The following SLC28A3 variants were observed in gnomAD, a reference collection of about 807,000 sequenced individuals.
SLC28A3 encodes solute carrier family 28 member 3.
SLC28A3 carries 68 observed loss-of-function variants against 84.2 expected under a neutral mutation model. That is an observed-to-expected ratio of 0.81 (90% confidence interval 0.66 to 0.99). The LOEUF (loss-of-function observed/expected upper bound fraction) is 0.99. Ranked by LOEUF, SLC28A3 falls within the 50% of genes least tolerant of loss-of-function variation. The pLI, the probability that SLC28A3 is intolerant of heterozygous loss-of-function variation, is 0.00. For missense variants in SLC28A3, 712 were observed against 841.5 expected (o/e 0.85, Z 1.90); for synonymous variants, 267 against 303.6 (o/e 0.88, Z 1.25).
the SLC28A3 span, among the ~76,000 whole-genome samples, chr9:84,361,826 T>A: frequency 2.0e-5 from 3 of 151,874 alleles, no homozygotes; most frequent in African/African-American, 7.3e-5. Context: ...GGCGGAAGGT[T>A]CGTTTGAGCC....
At chr9:84,327,586 T>C (rs1010658374) in intron 1 of SLC28A3, among the ~76,000 whole-genome samples, 5 of 152,272 alleles carry the variant, frequency 3.3e-5, no homozygotes, top group Non-Finnish European at 7.4e-5. Flanking sequence ...AGTCCAACTC[T>C]CAGATAACTG....
chr9:84,313,168 TA>T (rs1318798084), intron 2 of SLC28A3, among the ~76,000 whole-genome samples, 190 bp downstream of exon 2: 1 of 152,228 alleles, frequency 6.6e-6, no homozygotes, highest in Non-Finnish European at 1.5e-5. Flanking sequence ...GACAGGTGGA[TA>T]AAAACAAAAT....
chr9:84,282,444 T>G (rs1408823912), intron 14 of SLC28A3, among the ~76,000 whole-genome samples: 1 of 152,212 alleles, frequency 6.6e-6, no homozygotes, highest in African/African-American at 2.4e-5. Flanking sequence ...AAAAATGAAA[T>G]TCTCAGCTAT....
rs142934422 is a variant in SLC28A3, at chr9:84,329,207, G to C, written c.60+11367C>G. Among the ~76,000 whole-genome samples, 93 of 152,246 alleles carry C rather than the reference G, an allele frequency of 6.1e-4. 1 individual carries two copies. Among genetic ancestry groups the C allele is most frequent in the African/African-American group, 2.0e-3 (84 of 41,568 alleles). ...TAACATATATGTATATAATAAAAGA[G>C]CTCTAAAACACATGAAGCAAAAACT... is the stretch of plus-strand genomic sequence containing the variant. On this transcript the variant is annotated intron_variant, in intron 1 of 17. Coordinates refer to ENST00000376238, the MANE Select transcript of SLC28A3 (RefSeq NM_001199633.2).
chr9:84,351,512 A>T, the SLC28A3 span, among the ~76,000 whole-genome samples: 3 of 152,064 alleles, frequency 2.0e-5, no homozygotes, highest in Non-Finnish European at 4.4e-5. Context: ...GGAAAAAATT[A>T]GTTGGGCATG....
chr9:84,363,369 A>G, the SLC28A3 span, among the ~76,000 whole-genome samples: 1 of 152,230 alleles, frequency 6.6e-6, no homozygotes, highest in Non-Finnish European at 1.5e-5. Flanking sequence ...AAGGATCTGT[A>G]TTCTTCATAA....
intron 1 of SLC28A3, among the ~76,000 whole-genome samples, chr9:84,328,295 AT>A (rs1424700827): frequency 1.3e-5 from 2 of 151,632 alleles, no homozygotes; most frequent in Non-Finnish European, 2.9e-5. Flanking sequence ...TGAAGAACGG[AT>A]TTTAAAAACC....
chr9:84,330,089 C>A (rs899299186), intron 1 of SLC28A3, among the ~76,000 whole-genome samples: 1 of 150,398 alleles, frequency 6.6e-6, no homozygotes, highest in Non-Finnish European at 1.5e-5. Flanking sequence ...ATCGTGGAGA[C>A]AAATGAAATA....
At chr9:84,323,817 C>T (rs1377280876) in intron 1 of SLC28A3, among the ~76,000 whole-genome samples, 1 of 152,052 alleles carries the variant, frequency 6.6e-6, no homozygotes, top group Admixed American at 6.6e-5. Flanking sequence ...ATCCCCCTCC[C>T]CTCCAAATCT....
intron 1 of SLC28A3, among the ~76,000 whole-genome samples, chr9:84,339,195 A>AT (rs779709982): frequency 1.7e-4 from 26 of 151,908 alleles, no homozygotes; most frequent in South Asian, 8.3e-4. Flanking sequence ...TCCTGAGTCT[A>AT]TTAGGTTTTT....
At chr9:84,358,230 T>C in the SLC28A3 span, among the ~76,000 whole-genome samples, 1 of 152,152 alleles carries the variant, frequency 6.6e-6, no homozygotes, top group African/African-American at 2.4e-5. Context: ...GGGGCTTCCA[T>C]ACAGGGGAGA....
rs1276936208 is a variant in SLC28A3 at position 84,313,548 on chromosome 9, GACAA to G, written c.61-98_61-95del. 12 of 947,890 alleles carry G rather than the reference GACAA, an allele frequency of 1.3e-5. No homozygotes were observed. The South Asian group carries it at 1.4e-4, about 11-fold the overall frequency. 58.7% of individuals were successfully genotyped at this position (947,890 alleles called of 1,614,324 possible). A position where few individuals can be genotyped will look rare whatever the true frequency, so the allele number is the denominator to read the frequency against. ...ATACCTAGAGGAATTTGGAGGATGA[GACAA>G]ACAAAGATTAGGTGTTCAGATGAAG... is the stretch of plus-strand genomic sequence containing the variant. On this transcript the variant is annotated intron_variant, in intron 1 of 17. Coordinates refer to ENST00000376238, the MANE Select transcript of SLC28A3 (RefSeq NM_001199633.2).
the SLC28A3 span, among the ~76,000 whole-genome samples, chr9:84,366,464 C>A: frequency 6.6e-6 from 1 of 152,082 alleles, no homozygotes; most frequent in African/African-American, 2.4e-5. Flanking sequence ...TCTTTGGTGT[C>A]TGGGCATTGA....
At chr9:84,354,864 A>G in the SLC28A3 span, among the ~76,000 whole-genome samples, 3 of 151,458 alleles carry the variant, frequency 2.0e-5, no homozygotes, top group East Asian at 5.8e-4. Context: ...GAAAAAAAGA[A>G]AAAAAAAAGA....
intron 12 of SLC28A3, 64 bp downstream of exon 12, chr9:84,287,984 T>G (rs1310854095): frequency 6.2e-7 from 1 of 1,602,852 alleles, no homozygotes. Flanking sequence ...TGCTGTACAT[T>G]GACTCCTGGA....
In SLC28A3 at chr9:84,277,205, T is replaced by C. The variant is rs545125927; in HGVS notation, c.*1013A>G. On this transcript the variant is annotated 3_prime_UTR_variant, in exon 18 of 18. Transcript: ENST00000376238. Reference sequence around the variant, plus strand: ...GTGCAGATGAATAGGCCTACCGTTATGGCCTACAACAGGATGGCTCCTTGA... The same window carrying C: ...GTGCAGATGAATAGGCCTACCGTTACGGCCTACAACAGGATGGCTCCTTGA... 6.6e-6 allele frequency: 1 copy of C among 152,268 alleles called. No individual in the cohort carries two copies. The highest frequency in any genetic ancestry group is 2.4e-5 in the African/African-American group (1 of 41,480). The allele number at this position is 152,268 out of a possible 1,614,324, so 9.4% of individuals were successfully genotyped here. A position where few individuals can be genotyped will look rare whatever the true frequency, so the allele number is the denominator to read the frequency against.
upstream of SLC28A3, among the ~76,000 whole-genome samples, chr9:84,342,407 C>T (rs377299250): frequency 1.9e-3 from 287 of 150,686 alleles, 2 homozygotes; most frequent in African/African-American, 6.8e-3. Context: ...TGAATATACA[C>T]TTAGTAGCAG....
At chr9:84,340,042 G>T (rs1233778503) in intron 1 of SLC28A3, among the ~76,000 whole-genome samples, 2 of 152,156 alleles carry the variant, frequency 1.3e-5, no homozygotes, top group Non-Finnish European at 2.9e-5. Context: ...TTTCTGACAG[G>T]TCTCCTTCTA....
Position 84,292,661 on chromosome 9 carries a change from A to G in SLC28A3, c.1023+7T>C. 6.2e-7 allele frequency: 1 copy of G among 1,605,550 alleles called. No individual in the cohort carries two copies. Among genetic ancestry groups the G allele is most frequent in the Non-Finnish European group, 8.5e-7 (1 of 1,175,368 alleles). The stretch of plus-strand genomic sequence containing the variant: ...AGATGTTTTGTTCTGTTGATATTAC[A>G]ACTTACTTGTCCAACAAATATATTG... On this transcript the variant is annotated splice_region_variant and intron_variant, in intron 10 of 17. Coordinates refer to ENST00000376238, the MANE Select transcript of SLC28A3 (RefSeq NM_001199633.2).
Sources: allele counts gnomAD v4.1 joint callset (sites outside exome capture counted in the v4.1 genomes callset), GRCh38; gene constraint gnomAD v4.1.1; transcripts MANE v1.5; gene names NCBI Gene and HGNC (gene_info 2026-07-23, HGNC 2026-07-21).